The following HEPHL1 variants were observed in gnomAD, a reference collection of about 807,000 sequenced individuals.
The protein encoded by HEPHL1 is ferroxidase HEPHL1.
A neutral mutation model predicts 122.0 loss-of-function variants in HEPHL1; 123 were observed. The ratio of observed to expected loss-of-function variants is 1.01; its 90% CI spans 0.87 to 1.17. The LOEUF (loss-of-function observed/expected upper bound fraction) is 1.17. Among genes scored for constraint, HEPHL1 ranks in the 50% most tolerant of loss-of-function variants. The probability of loss-of-function intolerance (pLI) is 0.00; values close to 1 mark genes in which losing one functional copy is unlikely to be tolerated. For missense variants in HEPHL1, 1,452 were observed against 1,430.5 expected (o/e 1.01, Z -0.24); for synonymous variants, 527 against 508.9 (o/e 1.04, Z -0.48).
At chr11:94,069,304 A>G (rs1946056806) in intron 5 of HEPHL1, among the ~76,000 whole-genome samples, 1 of 152,188 alleles carries the variant, frequency 6.6e-6, no homozygotes, top group Non-Finnish European at 1.5e-5. Flanking sequence ...TTTAACAAAT[A>G]GAGACAGGGT....
At chr11:94,049,563 C>T (rs1293451011) in intron 2 of HEPHL1, among the ~76,000 whole-genome samples, 1 of 146,758 alleles carries the variant, frequency 6.8e-6, no homozygotes, top group East Asian at 2.0e-4. Context: ...CTCCCAGGTG[C>T]CAGACATTGA....
chr11:94,057,684 T>C (rs996711542), intron 2 of HEPHL1, among the ~76,000 whole-genome samples: 3 of 152,174 alleles, frequency 2.0e-5, no homozygotes, highest in African/African-American at 7.2e-5. Context: ...TTCAGCCCTT[T>C]ACACATAATT....
chr11:94,023,838 G>A lies in HEPHL1; in HGVS notation c.170+2300G>A, dbSNP rs533128293. ...TATCAGTGATCCCATCAGAATACTG[G>A]TTTTTATCAGTGATCCCATCAGTGC... On this transcript the variant is annotated intron_variant, in intron 1 of 19. Transcript: ENST00000315765. 1.1e-4 allele frequency among the ~76,000 whole-genome samples: 17 copies of A among 152,292 alleles called. No individual in the cohort carries two copies. The South Asian group carries it at 3.5e-3, about 32-fold the overall frequency.
At chr11:94,100,425 A>G (rs1290228146) in intron 13 of HEPHL1, among the ~76,000 whole-genome samples, 4 of 152,122 alleles carry the variant, frequency 2.6e-5, no homozygotes, top group Non-Finnish European at 5.9e-5. Flanking sequence ...TCATGCTGCC[A>G]CAGGCCCTCT....
At chr11:94,076,134 A>G (rs1449942502) in intron 9 of HEPHL1, among the ~76,000 whole-genome samples, 1 of 152,202 alleles carries the variant, frequency 6.6e-6, no homozygotes, top group South Asian at 2.1e-4. Flanking sequence ...CCAGATTTAA[A>G]AAACACAAAA....
rs533835783 is a variant in HEPHL1, at chr11:94,105,368, C to T, written c.2905+618C>T. 2.0e-5 allele frequency among the ~76,000 whole-genome samples: 3 copies of T among 152,312 alleles called. No individual in the cohort carries two copies. The East Asian group carries it at 5.8e-4, about 29-fold the overall frequency. The stretch of plus-strand genomic sequence containing the variant: ...TTTCCCCTACCAGTTTTGCTTTCTT[C>T]TCCTAAAGATGTCTTAGTATGCTCT... On this transcript the variant is annotated intron_variant, in intron 16 of 19. Coordinates refer to ENST00000315765, the MANE Select transcript of HEPHL1 (RefSeq NM_001098672.2).
chr11:94,037,464 T>A (rs1435572853), intron 1 of HEPHL1, among the ~76,000 whole-genome samples: 3 of 152,062 alleles, frequency 2.0e-5, no homozygotes, highest in Non-Finnish European at 4.4e-5. Flanking sequence ...GACTTAAATG[T>A]CCCTGTCTGA....
At chr11:94,070,260 C>T in intron 5 of HEPHL1, 114 bp from the exon 6 acceptor site, 1 of 1,015,566 alleles carries the variant, frequency 9.8e-7, no homozygotes. Context: ...CTTTATGGTC[C>T]AATTTTCTGT....
At chr11:94,079,226 G>A (rs2134437548) in intron 9 of HEPHL1, among the ~76,000 whole-genome samples, 1 of 152,338 alleles carries the variant, frequency 6.6e-6, no homozygotes, top group East Asian at 1.9e-4. Flanking sequence ...CACGTTGCAA[G>A]TGAGGGAATT....
intron 17 of HEPHL1, 132 bp downstream of exon 17, chr11:94,106,262 T>C: frequency 1.6e-6 from 1 of 606,528 alleles, no homozygotes; most frequent in Admixed American, 3.2e-5. Context: ...AATAATGTGA[T>C]TGTACCGTTT....
Position 94,075,227 on chromosome 11 carries a change from T to A in HEPHL1, c.1558T>A (p.Trp520Arg). 6.2e-7 allele frequency: 1 copy of A among 1,613,462 alleles called. No individual in the cohort carries two copies. Among genetic ancestry groups the A allele is most frequent in the Non-Finnish European group, 8.5e-7 (1 of 1,179,636 alleles). ...ACCAGGTGAAACCTTCACATACAAG[T>A]GGACAGTGCCTGAGAGCGTAAGCCC... ...VKPGETFTYKWTVPESVSPTA... is the reference protein window; with the variant it reads ...VKPGETFTYKRTVPESVSPTA... The change falls in exon 9 of 20, where the codon TGG becomes AGG. Residue 520 changes from tryptophan to arginine, a missense_variant. Transcript: ENST00000315765.
intron 18 of HEPHL1, 44 bp from the exon 19 acceptor site, chr11:94,111,493 C>T: frequency 2.1e-6 from 3 of 1,433,108 alleles, no homozygotes; most frequent in Non-Finnish European, 1.9e-6. Flanking sequence ...AAAAGAATCC[C>T]CTTCTGTTGT....
chr11:94,030,943 G>A (rs1269006546), intron 1 of HEPHL1, among the ~76,000 whole-genome samples: 1 of 152,126 alleles, frequency 6.6e-6, no homozygotes, highest in South Asian at 2.1e-4. Context: ...GCCAGAGGTT[G>A]AGCAGGGATA....
rs201716619 is a variant in HEPHL1 at position 94,104,682 on chromosome 11, A to C, written c.2837A>C (p.Lys946Thr). ...ESWYLDDNIKKYLNKDPRDFK... is the reference protein window; with the variant it reads ...ESWYLDDNIKTYLNKDPRDFK... ...TGGTATCTGGATGACAATATTAAGA[A>C]GTATCTCAACAAAGATCCACGAGAT... Residue 946 changes from lysine to threonine, a missense_variant, in exon 16 of 20, where the codon AAG (lysine) becomes ACG (threonine). Transcript: ENST00000315765. 419 of 1,613,934 alleles carry C rather than the reference A, an allele frequency of 2.6e-4. No homozygotes were observed. Among genetic ancestry groups the C allele is most frequent in the Admixed American group, 5.7e-4 (34 of 60,020 alleles).
chr11:94,089,014 G>T, intron 12 of HEPHL1, 46 bp downstream of exon 12: 1 of 1,533,404 alleles, frequency 6.5e-7, no homozygotes. Context: ...GATCGCGCAT[G>T]CTCCGTAGGT....
In HEPHL1 at chr11:94,070,290, A is replaced by G. The variant is rs1716368192; in HGVS notation, c.1064-84A>G. On this transcript the variant is annotated intron_variant, in intron 5 of 19. Transcript: ENST00000315765. ...TTCTGTACAGAAGCCTAAATGTTCA[A>G]GAGCCAAATCTATCAGTCTTTTCCT... The G allele has an allele frequency of 5.8e-6, 8 of 1,373,780 alleles. No individual in the cohort carries two copies. In the Admixed American group the frequency reaches 2.0e-4, roughly 35 times the overall value. The allele number at this position is 1,373,780 out of a possible 1,614,324, so 85.1% of individuals were successfully genotyped here. A position where few individuals can be genotyped will look rare whatever the true frequency, so the allele number is the denominator to read the frequency against.
intron 13 of HEPHL1, among the ~76,000 whole-genome samples, chr11:94,093,971 G>GATAGATAGATATATAT (rs71036310): frequency 2.3e-4 from 17 of 72,760 alleles, no homozygotes; most frequent in Admixed American, 5.3e-4. Flanking sequence ...TCCTCCAGCA[G>GATAGATAGATATATAT]ATATATATAT....
intron 1 of HEPHL1, among the ~76,000 whole-genome samples, chr11:94,033,524 G>A (rs1347847088): frequency 6.6e-6 from 1 of 152,142 alleles, no homozygotes; most frequent in Non-Finnish European, 1.5e-5. Context: ...ATCTAGTGTG[G>A]ATCATGGTGT....
At chr11:94,061,408 C>CA (rs941693730) in intron 2 of HEPHL1, among the ~76,000 whole-genome samples, 22 of 151,716 alleles carry the variant, frequency 1.5e-4, no homozygotes, top group Non-Finnish European at 2.6e-4. Context: ...GGATTTCTGA[C>CA]AAAAAAATGG....
Sources: gnomAD v4.1 joint callset for allele counts (sites outside exome capture counted in the v4.1 genomes callset) on GRCh38, gnomAD v4.1.1 for gene constraint, MANE v1.5 for transcripts, NCBI Gene and HGNC (gene_info 2026-07-23, HGNC 2026-07-21) for gene names.